The following PDE1C variants were observed in gnomAD, a reference collection of about 807,000 sequenced individuals.
PDE1C encodes dual specificity calcium/calmodulin-dependent 3',5'-cyclic nucleotide phosphodiesterase 1C.
In PDE1C, 62 loss-of-function variants were observed where a neutral mutation model predicts 93.1. The ratio of observed to expected loss-of-function variants is 0.67; its 90% CI spans 0.54 to 0.82. The LOEUF (loss-of-function observed/expected upper bound fraction) is 0.82, where lower values mean the gene tolerates loss of function less well. PDE1C is among the 40% of genes least tolerant of loss of function. The pLI is 0.00. For synonymous variants in PDE1C, 325 were observed against 310.1 expected, an observed-to-expected ratio of 1.05 and a Z score of -0.50; for missense variants, 742 against 884.6, an observed-to-expected ratio of 0.84 and a Z score of 2.04.
At chr7:31,911,096 TA>T (rs1426247189) in intron 2 of PDE1C, among the ~76,000 whole-genome samples, 2 of 152,170 alleles carry the variant, frequency 1.3e-5, no homozygotes, top group Non-Finnish European at 2.9e-5. Context: ...TGCAAACTAG[TA>T]AATTCCAGTG....
intron 15 of PDE1C, 131 bp downstream of exon 15, chr7:31,815,793 C>G: frequency 1.4e-6 from 1 of 707,828 alleles, no homozygotes. Flanking sequence ...GAGGTGGGAT[C>G]AGAAGGAACT....
At chr7:32,129,009 G>C (rs1248806805) in intron 3 of PDE1C, among the ~76,000 whole-genome samples, 1 of 135,214 alleles carries the variant, frequency 7.4e-6, no homozygotes, top group Admixed American at 7.7e-5. Flanking sequence ...CCAACAATTG[G>C]GAATATGTTT....
At chr7:31,625,803 G>T in the PDE1C span, among the ~76,000 whole-genome samples, 2 of 148,516 alleles carry the variant, frequency 1.3e-5, no homozygotes, top group Admixed American at 6.8e-5. Context: ...ATTAGAATAA[G>T]CTTTCCTTAG....
chr7:32,063,812 A>C (rs777187887), intron 1 of PDE1C, among the ~76,000 whole-genome samples: 4 of 152,222 alleles, frequency 2.6e-5, no homozygotes, highest in Non-Finnish European at 4.4e-5. Context: ...CACATCACTT[A>C]GTCAGCAATT....
chr7:31,903,479 A>C (rs929854566), intron 2 of PDE1C, among the ~76,000 whole-genome samples: 1 of 152,030 alleles, frequency 6.6e-6, no homozygotes, highest in Non-Finnish European at 1.5e-5. Context: ...AATTCTAAAG[A>C]ACCAACTTTT....
chr7:32,340,162 G>A (rs1301881338), intron 1 of PDE1C, among the ~76,000 whole-genome samples: 2 of 152,152 alleles, frequency 1.3e-5, no homozygotes, highest in Non-Finnish European at 2.9e-5. Flanking sequence ...CTATAGGAGG[G>A]GATCAGGGAG....
At chr7:32,122,601 C>T (rs927063047) in intron 3 of PDE1C, among the ~76,000 whole-genome samples, 18 of 152,292 alleles carry the variant, frequency 1.2e-4, no homozygotes, top group Middle Eastern at 3.4e-3. Flanking sequence ...GAACAGCCTG[C>T]TCCTGAATGA....
chr7:32,262,064 C>A, intron 1 of PDE1C, among the ~76,000 whole-genome samples: 1 of 145,878 alleles, frequency 6.9e-6, no homozygotes, highest in African/African-American at 2.6e-5. Flanking sequence ...GAAAAAACAG[C>A]CATCAAAAAC....
intron 2 of PDE1C, among the ~76,000 whole-genome samples, chr7:31,967,329 C>T (rs1312275562): frequency 1.4e-4 from 22 of 152,220 alleles, no homozygotes; most frequent in Non-Finnish European, 2.1e-4. Flanking sequence ...ATACCATAAA[C>T]ACCTCTACAC....
chr7:32,161,891 G>C (rs1019819136), intron 3 of PDE1C, among the ~76,000 whole-genome samples: 1 of 152,104 alleles, frequency 6.6e-6, no homozygotes, highest in African/African-American at 2.4e-5. Context: ...GAGGGGTTGA[G>C]GACACCTCAG....
chr7:31,770,997 T>C (rs1005406491), intron 17 of PDE1C, among the ~76,000 whole-genome samples: 6 of 152,240 alleles, frequency 3.9e-5, no homozygotes, highest in East Asian at 3.8e-4. Context: ...TTGCTTCCTT[T>C]TTTTAAATTT....
intron 3 of PDE1C, among the ~76,000 whole-genome samples, chr7:32,122,813 G>A (rs954630439): frequency 3.3e-5 from 5 of 152,124 alleles, no homozygotes; most frequent in Admixed American, 1.3e-4. Context: ...AGCTAGAGAA[G>A]CAAGAGCAAA....
At chr7:32,124,257 G>GC (rs1307987379) in intron 3 of PDE1C, among the ~76,000 whole-genome samples, 1 of 152,108 alleles carries the variant, frequency 6.6e-6, no homozygotes, top group Non-Finnish European at 1.5e-5. Context: ...AGAATCAATA[G>GC]CGTGAAAATG....
downstream of PDE1C, among the ~76,000 whole-genome samples, chr7:31,750,779 T>C (rs1468005393): frequency 6.6e-6 from 1 of 152,242 alleles, no homozygotes; most frequent in African/African-American, 2.4e-5. Flanking sequence ...TCGCCCAGGC[T>C]GGAATGCAGC....
intron 1 of PDE1C, among the ~76,000 whole-genome samples, chr7:32,057,293 T>C (rs1794250691): frequency 6.6e-6 from 1 of 152,190 alleles, no homozygotes; most frequent in South Asian, 2.1e-4. Flanking sequence ...CTCATTTAGC[T>C]CTTAAGTAAA....
chr7:31,828,254 G>A (rs368576075), intron 12 of PDE1C, 38 bp downstream of exon 12: 4 of 1,535,988 alleles, frequency 2.6e-6, no homozygotes, highest in Non-Finnish European at 3.6e-6. Flanking sequence ...CAGGCTTCCT[G>A]CTTTGGTGCT....
chr7:31,793,670 GTCC>G (rs1429120965), intron 16 of PDE1C, among the ~76,000 whole-genome samples: 1 of 120,316 alleles, frequency 8.3e-6, no homozygotes, highest in African/African-American at 2.7e-5. Context: ...ATATGAATGG[GTCC>G]TCGTTTTTTT....
At position 32,223,410 on chromosome 7, in the gene PDE1C, G is replaced by A. The variant is rs942412906; in HGVS notation, c.86-13871C>T. On this transcript the variant is annotated intron_variant, in intron 1 of 18. Coordinates refer to the PDE1C transcript ENST00000396193. Reference sequence around the variant, plus strand: ...TACTCATGAGGCAACTGAGGCACAGGGAAGTTAGGTGACCCACCAAGGCCA... The same window carrying A: ...TACTCATGAGGCAACTGAGGCACAGAGAAGTTAGGTGACCCACCAAGGCCA... Among the ~76,000 whole-genome samples the A allele has an allele frequency of 1.3e-5, 2 of 152,126 alleles. 1 individual carries two copies. The highest frequency in any genetic ancestry group is 6.3e-3 in the Middle Eastern group (2 of 316).
At chr7:32,308,459 C>A (rs1813075934) in intron 1 of PDE1C, among the ~76,000 whole-genome samples, 1 of 152,254 alleles carries the variant, frequency 6.6e-6, no homozygotes, top group African/African-American at 2.4e-5. Context: ...GACCCCTGAG[C>A]AGCCTAACTG....
Sources: allele counts gnomAD v4.1 joint callset (sites outside exome capture counted in the v4.1 genomes callset), GRCh38; gene constraint gnomAD v4.1.1; transcripts MANE v1.5; gene names NCBI Gene and HGNC (gene_info 2026-07-23, HGNC 2026-07-21).